Variants in MITF observed in about 807,000 individuals in gnomAD.
MITF encodes the protein microphthalmia-associated transcription factor.
In MITF, 17 loss-of-function variants were observed where a neutral mutation model predicts 60.5. That is an observed-to-expected ratio of 0.28 (90% CI 0.19 to 0.42). MITF has a LOEUF of 0.42. MITF is among the 10% of genes least tolerant of loss of function. The pLI, the probability that MITF is intolerant of heterozygous loss-of-function variation, is 1.00. For missense variants in MITF, 622 were observed against 683.5 expected (o/e 0.91, Z 1.00); for synonymous variants, 260 against 248.5 (o/e 1.05, Z -0.43).
chr3:69,891,378 A>T (rs771259961), intron 2 of MITF, among the ~76,000 whole-genome samples: 3 of 152,200 alleles, frequency 2.0e-5, no homozygotes, highest in Non-Finnish European at 4.4e-5. Flanking sequence ...AGATGTTTAG[A>T]ACTTAACCTC....
At chr3:69,890,847 G>A (rs1322882862) in intron 2 of MITF, among the ~76,000 whole-genome samples, 1 of 152,086 alleles carries the variant, frequency 6.6e-6, no homozygotes, top group Non-Finnish European at 1.5e-5. Context: ...ATTGGAATTA[G>A]TAAACTGTGT....
At chr3:69,951,245 A>G (rs964129929) in intron 6 of MITF, among the ~76,000 whole-genome samples, 2 of 151,554 alleles carry the variant, frequency 1.3e-5, no homozygotes, top group African/African-American at 4.8e-5. Context: ...GCAAGCATGC[A>G]CCACCATGCT....
chr3:69,744,106 G>T, intron 1 of MITF, among the ~76,000 whole-genome samples: 1 of 152,206 alleles, frequency 6.6e-6, no homozygotes, highest in African/African-American at 2.4e-5. Flanking sequence ...CCCAAATGCT[G>T]ATTCACAAAG....
chr3:69,762,532 A>T (rs2062227372), intron 1 of MITF, among the ~76,000 whole-genome samples: 1 of 152,202 alleles, frequency 6.6e-6, no homozygotes, highest in African/African-American at 2.4e-5. Context: ...GCCTGATTGA[A>T]AGCCTTTAGC....
chr3:69,815,918 C>G (rs557203001), intron 1 of MITF, among the ~76,000 whole-genome samples: 5 of 152,196 alleles, frequency 3.3e-5, no homozygotes, highest in African/African-American at 1.2e-4. Flanking sequence ...GAGAGTGGAT[C>G]TAAAGTCGTC....
intron 1 of MITF, among the ~76,000 whole-genome samples, chr3:69,874,944 G>T (rs9824148): frequency 0.016 from 2,406 of 152,296 alleles, 64 homozygotes; most frequent in African/African-American, 0.054. Context: ...GGCTTTGAAG[G>T]TTAAGAATGT....
chr3:69,778,067 AG>A (rs1178801584), intron 1 of MITF, among the ~76,000 whole-genome samples: 1 of 151,942 alleles, frequency 6.6e-6, no homozygotes, highest in Non-Finnish European at 1.5e-5. Flanking sequence ...GGAGATGGAG[AG>A]GAGGTGGAGC....
At chr3:69,813,131 C>T (rs2063126881) in intron 1 of MITF, among the ~76,000 whole-genome samples, 1 of 152,120 alleles carries the variant, frequency 6.6e-6, no homozygotes, top group Non-Finnish European at 1.5e-5. Flanking sequence ...TGGCAGTGAA[C>T]AGGCTTACTT....
chr3:69,887,632 G>A (rs1287531534), intron 2 of MITF, among the ~76,000 whole-genome samples: 1 of 151,964 alleles, frequency 6.6e-6, no homozygotes, highest in Non-Finnish European at 1.5e-5. Context: ...TAAAGCAGGG[G>A]GCTGTTAAAG....
At chr3:69,943,510 A>G (rs867708601) in intron 5 of MITF, among the ~76,000 whole-genome samples, 3 of 152,290 alleles carry the variant, frequency 2.0e-5, no homozygotes, top group Admixed American at 2.0e-4. Context: ...CATTGGAAAC[A>G]TAAGTTGTAT....
Position 69,967,977 on chromosome 3 carries a change from A to C in MITF, c.*2729A>C, listed in dbSNP as rs1298461857. 2.6e-5 allele frequency: 6 copies of C among 233,524 alleles called. No individual in the cohort carries two copies. Among genetic ancestry groups the C allele is most frequent in the Non-Finnish European group, 4.2e-5 (5 of 117,986 alleles). The allele number at this position is 233,524 out of a possible 1,614,324, so 14.5% of individuals were successfully genotyped here. A position where few individuals can be genotyped will look rare whatever the true frequency, so the allele number is the denominator to read the frequency against. ...AAGCATACAAGCAACCTGGTCATAC[A>C]TAGGATGACAAAATTCTTTCTGGTT... On this transcript the variant is annotated 3_prime_UTR_variant, in exon 10 of 10. Transcript: ENST00000352241.
chr3:69,830,955 T>G (rs2063437134), intron 1 of MITF, among the ~76,000 whole-genome samples: 1 of 152,198 alleles, frequency 6.6e-6, no homozygotes, highest in Admixed American at 6.5e-5. Flanking sequence ...TGTTTCATCT[T>G]GCTTTACCCT....
intron 7 of MITF, among the ~76,000 whole-genome samples, chr3:69,953,108 C>T (rs559842369): frequency 6.6e-6 from 1 of 152,190 alleles, no homozygotes; most frequent in South Asian, 2.1e-4. Context: ...AAGCTACACC[C>T]CTCCCCAGTT....
At chr3:69,838,368 A>G (rs1357885981) in intron 1 of MITF, among the ~76,000 whole-genome samples, 10 of 149,564 alleles carry the variant, frequency 6.7e-5, no homozygotes, top group African/African-American at 1.7e-4. Context: ...AAAAAAAAAT[A>G]GAGGCACACA....
intron 2 of MITF, among the ~76,000 whole-genome samples, chr3:69,921,597 C>T (rs189158313): frequency 2.6e-5 from 4 of 152,246 alleles, no homozygotes; most frequent in African/African-American, 7.2e-5. Context: ...GTGAAGATGA[C>T]GTTTCCTGCA....
In MITF at chr3:69,967,835, C is replaced by T. The variant is rs1205843883; in HGVS notation, c.*2587C>T. On this transcript the variant is annotated 3_prime_UTR_variant, in exon 10 of 10. Transcript: ENST00000352241. ...TGATCCACACCACTCCCCCGATTCC[C>T]GGGTGCAGAATTGTAACTCGGGGTT... The T allele has an allele frequency of 4.3e-6, 1 of 233,062 alleles. No homozygotes were observed. The highest frequency in any genetic ancestry group is 8.5e-6 in the Non-Finnish European group (1 of 117,934). The allele number at this position is 233,062 out of a possible 1,614,324, so 14.4% of individuals were successfully genotyped here.
At chr3:69,959,865 G>A (rs1030114869) in intron 9 of MITF, among the ~76,000 whole-genome samples, 5 of 152,188 alleles carry the variant, frequency 3.3e-5, no homozygotes, top group African/African-American at 1.2e-4. Flanking sequence ...GGGCAAGAAG[G>A]CCGTGATGTG....
intron 1 of MITF, among the ~76,000 whole-genome samples, chr3:69,844,702 A>G (rs1575807378): frequency 6.6e-6 from 1 of 152,244 alleles, no homozygotes; most frequent in African/African-American, 2.4e-5. Context: ...GGAATGGGAG[A>G]AAATTTTTGC....
chr3:69,866,397 AG>A, intron 1 of MITF: 1 of 1,607,724 alleles, frequency 6.2e-7, no homozygotes, highest in Non-Finnish European at 8.5e-7. Flanking sequence ...TAAGAGGAGC[AG>A]TTTTTTTTCT....
Sources: gnomAD v4.1 joint callset for allele counts (sites outside exome capture counted in the v4.1 genomes callset) on GRCh38, gnomAD v4.1.1 for gene constraint, MANE v1.5 for transcripts, NCBI Gene and HGNC (gene_info 2026-07-23, HGNC 2026-07-21) for gene names.